The following MSH6 variants were observed in gnomAD, a reference collection of about 807,000 sequenced individuals.
MSH6 encodes the protein mutS homolog 6, also known as DNA mismatch repair protein Msh6.
Under a neutral mutation model 119.1 loss-of-function variants are expected in MSH6, and 85 were observed. The observed-to-expected ratio is 0.71, with a 90% CI of 0.60 to 0.85. The LOEUF (loss-of-function observed/expected upper bound fraction) is 0.85, where lower values mean the gene tolerates loss of function less well. MSH6 is among the 40% of genes least tolerant of loss of function. The probability of loss-of-function intolerance (pLI) is 0.00; values close to 1 mark genes in which losing one functional copy is unlikely to be tolerated. For synonymous variants in MSH6, 830 were observed against 586.9 expected, an observed-to-expected ratio of 1.41 and a Z score of -5.99; for missense variants, 2,163 against 1,655.3, an observed-to-expected ratio of 1.31 and a Z score of -5.32.
intron 4 of MSH6, among the ~76,000 whole-genome samples, chr2:47,802,158 C>T (rs1419483659): frequency 6.6e-6 from 1 of 152,054 alleles, no homozygotes; most frequent in Non-Finnish European, 1.5e-5. Flanking sequence ...AGAATCATTC[C>T]TTTTTTCTGT....
rs751780309 is a variant in MSH6 at position 47,800,917 on chromosome 2, G to A, written c.2934G>A (p.Gln978=). ...GGGGGATTGGTAGGAACCGTTACCAGCTGGAAATTCCTGAGAATTTCACCA... is the reference window on the plus strand; with the variant it reads ...GGGGGATTGGTAGGAACCGTTACCAACTGGAAATTCCTGAGAATTTCACCA... ...VYWGIGRNRY[Q]LEIPENFTTR... Residue 978 remains glutamine (Q), a synonymous_variant, in exon 4 of 10, where the codon CAG becomes CAA. Coordinates refer to ENST00000234420, the MANE Select transcript of MSH6 (RefSeq NM_000179.3). 12 of 1,581,454 alleles carry A rather than the reference G, an allele frequency of 7.6e-6. No homozygotes were observed. Among genetic ancestry groups the A allele is most frequent in the Non-Finnish European group, 1.0e-5 (12 of 1,165,642 alleles).
Position 47,798,756 on chromosome 2 carries a change from T to C in MSH6, c.773T>C (p.Ile258Thr), listed in dbSNP as rs1553412195. ...RRVISDSESD[I>T]GGSDVEFKPD... Reference sequence around the variant, plus strand: ...GTCATATCAGATTCTGAGAGTGACATTGGTGGCTCTGATGTGGAATTTAAG... The same window carrying C: ...GTCATATCAGATTCTGAGAGTGACACTGGTGGCTCTGATGTGGAATTTAAG... Residue 258 changes from isoleucine to threonine, a missense_variant, in exon 4 of 10, where the codon ATT (isoleucine) becomes ACT (threonine). Physicochemically the swap from Ile to Thr is moderately conservative, Grantham distance 89. Coordinates refer to ENST00000234420, the MANE Select transcript of MSH6 (RefSeq NM_000179.3). The C allele has an allele frequency of 1.2e-6, 2 of 1,614,106 alleles. No homozygotes were observed. Among genetic ancestry groups the C allele is most frequent in the Non-Finnish European group, 1.7e-6 (2 of 1,180,010 alleles).
intron 3 of MSH6, among the ~76,000 whole-genome samples, chr2:47,797,574 A>G (rs1030308321): frequency 3.9e-5 from 6 of 152,200 alleles, no homozygotes; most frequent in Non-Finnish European, 8.8e-5. Flanking sequence ...TCGCCTCCTG[A>G]TATTTATGAT....
chr2:47,784,058 G>A (rs1473521839), intron 1 of MSH6: 1 of 1,013,222 alleles, frequency 9.9e-7, no homozygotes, highest in Non-Finnish European at 1.2e-6. Flanking sequence ...AGGTAGTTAA[G>A]AGCCGCGGTC....
intron 5 of MSH6, among the ~76,000 whole-genome samples, chr2:47,804,133 CTTT>C (rs373389467): frequency 1.3e-5 from 2 of 149,374 alleles, no homozygotes; most frequent in South Asian, 2.1e-4. Context: ...CATGCTGGCC[CTTT>C]TTTTTTTGTT....
chr2:47,808,880 A>G (rs898814282), downstream of MSH6: 3 of 309,402 alleles, frequency 9.7e-6, no homozygotes, highest in African/African-American at 6.5e-5. Flanking sequence ...TTTGTTTTGT[A>G]GAGACAGGGT....
chr2:47,788,946 T>TTTTTTTTTTTTTTTTG (rs1553409740), intron 1 of MSH6, among the ~76,000 whole-genome samples: 5 of 115,750 alleles, frequency 4.3e-5, no homozygotes, highest in Non-Finnish European at 8.7e-5. Context: ...TTTTTTTTTT[T>TTTTTTTTTTTTTTTTG]TGTGAGACGG....
At chr2:47,792,944 C>G (rs184713792) in intron 2 of MSH6, among the ~76,000 whole-genome samples, 9 of 148,922 alleles carry the variant, frequency 6.0e-5, no homozygotes, top group African/African-American at 2.0e-4. Flanking sequence ...CCTTCTGCAT[C>G]AGGCTCCCAA....
rs530116881 is a variant in MSH6, at chr2:47,795,318, A to G, written c.458-576A>G. Among the ~76,000 whole-genome samples the G allele has an allele frequency of 9.2e-5, 14 of 152,226 alleles. No homozygotes were observed. In the South Asian group the frequency reaches 2.3e-3, roughly 25 times the overall value. ...CCTTTTGTGCTTTATTGATCTATCT[A>G]TATCAATAAAAAGTAATGGGGCATA... On this transcript the variant is annotated intron_variant, in intron 2 of 9. Coordinates refer to ENST00000234420, the MANE Select transcript of MSH6 (RefSeq NM_000179.3).
At chr2:47,802,990 C>T (rs1669694486) in intron 4 of MSH6, among the ~76,000 whole-genome samples, 1 of 152,178 alleles carries the variant, frequency 6.6e-6, no homozygotes, top group African/African-American at 2.4e-5. Flanking sequence ...TGGCTCATTG[C>T]AACCTCTGCC....
rs876660882 is a variant in MSH6, at chr2:47,805,668, C to A, written c.3607C>A (p.His1203Asn). The A allele has an allele frequency of 1.3e-5, 21 of 1,613,212 alleles. No individual in the cohort carries two copies. The highest frequency in any genetic ancestry group is 1.7e-5 in the Non-Finnish European group (20 of 1,179,558). ...ELSETASILMHATAHSLVLVD... is the reference protein window; with the variant it reads ...ELSETASILMNATAHSLVLVD... ...AAGTGAAACTGCCAGCATACTCATG[C>A]ATGCAACAGCACATTCTCTGGTGCT... is the stretch of plus-strand genomic sequence containing the variant. The change falls in exon 7 of 10, where the codon CAT becomes AAT. Residue 1203 changes from histidine (H) to asparagine (N), a missense_variant. Coordinates refer to ENST00000234420, the MANE Select transcript of MSH6 (RefSeq NM_000179.3).
Position 47,806,805 on chromosome 2 carries a change from C to G in MSH6, c.4028C>G (p.Ser1343Ter), listed in dbSNP as rs863225420. 2.1e-5 allele frequency: 33 copies of G among 1,599,448 alleles called. No homozygotes were observed. The highest frequency in any genetic ancestry group is 2.7e-5 in the Non-Finnish European group (32 of 1,173,780). ...GAAGTTTGCCTGGCTAGTGAAAGGTCAACTGTAGATGCTGAAGCTGTCCAT... is the reference window on the plus strand; with the variant it reads ...GAAGTTTGCCTGGCTAGTGAAAGGTGAACTGTAGATGCTGAAGCTGTCCAT... ...FREVCLASER[S>*]TVDAEAVHKL... The change falls in exon 10 of 10, where the codon TCA (serine) becomes TGA (stop). Residue 1343 changes from serine to a stop codon, truncating the protein, a stop_gained. Transcript: ENST00000234420. LOFTEE classifies it high-confidence loss of function.
At chr2:47,809,621 C>T, downstream of MSH6, 3 of 1,612,720 alleles carry the variant, frequency 1.9e-6, no homozygotes, top group Non-Finnish European at 2.5e-6. Context: ...ACATTAACAC[C>T]AGATGCTAAA....
chr2:47,799,657 G>A lies in MSH6; in HGVS notation c.1674G>A (p.Val558=), dbSNP rs762442338. Residue 558 remains valine, a synonymous_variant, in exon 4 of 10, where the codon GTG becomes GTA. Coordinates refer to ENST00000234420, the MANE Select transcript of MSH6 (RefSeq NM_000179.3). ...CTGGCCATACTCGTGCATATGGTGT[G>A]TGCTTTGTTGATACTTCACTGGGAA... ...DSSGHTRAYG[V]CFVDTSLGKF... 1.2e-5 allele frequency: 19 copies of A among 1,614,048 alleles called. No homozygotes were observed. The African/African-American group carries it at 2.0e-4, about 17-fold the overall frequency.
intron 1 of MSH6, among the ~76,000 whole-genome samples, chr2:47,788,922 G>GTTTTTTTTGTTTTTGTTT (rs1668541391): frequency 2.4e-5 from 1 of 40,932 alleles, no homozygotes; most frequent in African/African-American, 1.0e-4. Flanking sequence ...TTTTTTTTTT[G>GTTTTTTTTGTTTTTGTTT]TTTTTTTTTT....
At chr2:47,789,165 C>G (rs1668573573) in intron 1 of MSH6, among the ~76,000 whole-genome samples, 1 of 151,614 alleles carries the variant, frequency 6.6e-6, no homozygotes, top group Non-Finnish European at 1.5e-5. Flanking sequence ...ACCTCGTGAT[C>G]CACCTGCCTT....
intron 4 of MSH6, among the ~76,000 whole-genome samples, 192 bp from the exon 5 acceptor site, chr2:47,803,228 C>G (rs1450540659): frequency 6.6e-6 from 1 of 151,998 alleles, no homozygotes; most frequent in African/African-American, 2.4e-5. Flanking sequence ...TCTGCTCTAT[C>G]TTTTAGCTTT....
Position 47,806,848 on chromosome 2 carries a change from T to TA in MSH6, c.4073dup (p.Glu1359GlyfsTer5), listed in dbSNP as rs2104585660. 1 of 1,611,254 alleles carries TA rather than the reference T, an allele frequency of 6.2e-7. No individual in the cohort carries two copies. Among genetic ancestry groups the TA allele is most frequent in the African/African-American group, 1.3e-5 (1 of 74,862 alleles). Reference sequence around the variant, plus strand: ...CTGTCCATAAATTGCTGACTTTGATTAAGGAATTATAGACTGACTACATTG... The same window carrying TA: ...CTGTCCATAAATTGCTGACTTTGATTAAAGGAATTATAGACTGACTACATTG... On this transcript the variant is annotated frameshift_variant, in exon 10 of 10. Transcript: ENST00000234420. LOFTEE classifies it high-confidence loss of function.
In MSH6 at chr2:47,799,953, A is replaced by C. The variant is rs1459883720; in HGVS notation, c.1970A>C (p.Gln657Pro). The change falls in exon 4 of 10, where the codon CAG becomes CCG. Residue 657 changes from glutamine to proline, a missense_variant. Gln to Pro is a moderately conservative substitution (Grantham distance 76). Coordinates refer to ENST00000234420, the MANE Select transcript of MSH6 (RefSeq NM_000179.3). ...LSDGIGVMLP[Q>P]VLKGMTSESD... The stretch of plus-strand genomic sequence containing the variant: ...GATGGCATTGGGGTGATGTTACCCC[A>C]GGTGCTTAAAGGTATGACTTCAGAG... The C allele has an allele frequency of 6.2e-7, 1 of 1,614,094 alleles. No homozygotes were observed. Among genetic ancestry groups the C allele is most frequent in the Non-Finnish European group, 8.5e-7 (1 of 1,180,054 alleles).
Sources: allele counts gnomAD v4.1 joint callset (sites outside exome capture counted in the v4.1 genomes callset), GRCh38; gene constraint gnomAD v4.1.1; transcripts MANE v1.5; gene names NCBI Gene and HGNC (gene_info 2026-07-23, HGNC 2026-07-21).